ABCA8: variants seen among roughly 807,000 people sequenced by gnomAD.
ABCA8 encodes the protein ABC-type organic anion transporter ABCA8.
A neutral mutation model predicts 192.3 loss-of-function variants in ABCA8; 177 were observed. That is an observed-to-expected ratio of 0.92 (90% CI 0.81 to 1.04). The LOEUF is 1.04. Among genes scored for constraint, ABCA8 ranks in the 50% least tolerant of loss-of-function variants. The probability of loss-of-function intolerance (pLI) is 0.00; values close to 1 mark genes in which losing one functional copy is unlikely to be tolerated. For synonymous variants in ABCA8, 642 were observed against 690.2 expected, an observed-to-expected ratio of 0.93 and a Z score of 1.09; for missense variants, 1,915 against 1,904.8, an observed-to-expected ratio of 1.01 and a Z score of -0.10.
Position 68,887,925 on chromosome 17 carries a change from T to TGGA in ABCA8, c.3145-420_3145-419insTCC. ...ATATATATCCATATATATATATATA[T>TGGA]TATATATGGATATATATATTATATA... is the stretch of plus-strand genomic sequence containing the variant. On this transcript the variant is annotated intron_variant, in intron 24 of 39. Transcript: ENST00000586539. Among the ~76,000 whole-genome samples, 803 of 101,006 alleles carry TGGA rather than the reference T, an allele frequency of 8.0e-3. 45 individuals are homozygous for TGGA. Among genetic ancestry groups the TGGA allele is most frequent in the African/African-American group, 0.031 (765 of 24,788 alleles). 66.3% of individuals were successfully genotyped at this position (101,006 alleles called of 152,430 possible).
At chr17:68,918,659 C>T (rs1248111144) in intron 14 of ABCA8, 113 bp from the exon 15 acceptor site, 3 of 1,103,822 alleles carry the variant, frequency 2.7e-6, no homozygotes, top group African/African-American at 1.6e-5. Context: ...CTGGGTCAGG[C>T]GCGGTGGCTC....
intron 1 of ABCA8, among the ~76,000 whole-genome samples, chr17:68,954,168 C>T (rs562757854): frequency 1.4e-5 from 2 of 147,884 alleles, no homozygotes; most frequent in South Asian, 2.3e-4. Flanking sequence ...GTATATCTCC[C>T]AATGCTATCC....
intron 38 of ABCA8, 40 bp from the exon 39 acceptor site, chr17:68,868,396 ATC>A (rs776103228): frequency 3.9e-6 from 6 of 1,539,328 alleles, no homozygotes; most frequent in Non-Finnish European, 4.5e-6. Context: ...TATATTTCAT[ATC>A]TAGAGGTCTC....
intron 28 of ABCA8, 42 bp downstream of exon 28, chr17:68,884,289 T>C (rs1471731859): frequency 1.3e-6 from 2 of 1,497,984 alleles, no homozygotes; most frequent in Non-Finnish European, 1.8e-6. Context: ...ATTATTAAAT[T>C]TAGTAAAAAG....
At chr17:68,908,907 A>T (rs922950677) in intron 17 of ABCA8, among the ~76,000 whole-genome samples, 1 of 152,238 alleles carries the variant, frequency 6.6e-6, no homozygotes, top group African/African-American at 2.4e-5. Flanking sequence ...TGAAGTTTGC[A>T]CTTGACAAGC....
At chr17:68,888,781 G>A (rs556309830) in intron 24 of ABCA8, among the ~76,000 whole-genome samples, 18 of 152,154 alleles carry the variant, frequency 1.2e-4, no homozygotes, top group Non-Finnish European at 2.6e-4. Flanking sequence ...AGAGATCTGG[G>A]GTAGAGTCAG....
chr17:68,933,354 C>G (rs971114903), intron 5 of ABCA8, 83 bp from the exon 6 acceptor site: 2 of 867,018 alleles, frequency 2.3e-6, no homozygotes, highest in Non-Finnish European at 3.6e-6. Flanking sequence ...TTATAGCAAA[C>G]AGTGGACTTT....
Position 68,937,092 on chromosome 17 carries a change from C to G in ABCA8, c.325G>C (p.Asp109His). The G allele has an allele frequency of 1.2e-6, 2 of 1,608,008 alleles. No homozygotes were observed. The highest frequency in any genetic ancestry group is 1.7e-6 in the Non-Finnish European group (2 of 1,177,756). Residue 109 changes from aspartate (D) to histidine (H), a missense_variant, in exon 5 of 40, where the codon GAT (aspartate) becomes CAT (histidine). Coordinates refer to ENST00000586539, the MANE Select transcript of ABCA8 (RefSeq NM_001288985.2). ...LAGKEVLGLP[D>H]EESIKEFTAN... ...GTGAATTCTTTAATACTTTCCTCAT[C>G]TGGCAGTCCCAAGACCTCTTTACCT... is the stretch of plus-strand genomic sequence containing the variant.
At chr17:68,943,850 T>C (rs1834296841) in intron 2 of ABCA8, among the ~76,000 whole-genome samples, 1 of 151,984 alleles carries the variant, frequency 6.6e-6, no homozygotes, top group African/African-American at 2.4e-5. Flanking sequence ...TTTTACAGGC[T>C]TCACCTAGTA....
rs1598256031 is a variant in ABCA8, at chr17:68,917,582, G to A, written c.2048-131C>T. The A allele has an allele frequency of 2.2e-5, 13 of 596,132 alleles. No homozygotes were observed. The East Asian group carries it at 3.5e-4, about 16-fold the overall frequency. 36.9% of individuals were successfully genotyped at this position (596,132 alleles called of 1,614,324 possible). A position where few individuals can be genotyped will look rare whatever the true frequency, so the allele number is the denominator to read the frequency against. On this transcript the variant is annotated intron_variant, in intron 16 of 39. Coordinates refer to ENST00000586539, the MANE Select transcript of ABCA8 (RefSeq NM_001288985.2). ...TTCTAAGGTTTTAAATGCAGGACTCGATAAGGACTCAATGAAATAGACACA... is the reference window on the plus strand; with the variant it reads ...TTCTAAGGTTTTAAATGCAGGACTCAATAAGGACTCAATGAAATAGACACA...
Position 68,895,009 on chromosome 17 carries a change from T to C in ABCA8, c.2769A>G (p.Ala923=). 1 of 1,607,550 alleles carries C rather than the reference T, an allele frequency of 6.2e-7. No homozygotes were observed. The highest frequency in any genetic ancestry group is 1.1e-5 in the South Asian group (1 of 89,158). The change falls in exon 22 of 40, where the codon GCA becomes GCG. Residue 923 remains alanine, a synonymous_variant. Transcript: ENST00000586539. The stretch of plus-strand genomic sequence containing the variant: ...CAGACTGTATAAAGTCATCAATGCT[T>C]GCCCCTAAGGTGTAGTTAAAGATAT... ...TQLLIINKTG[A]SIDDFIQSVE... is the part of the protein sequence containing the mutation.
intron 21 of ABCA8, among the ~76,000 whole-genome samples, chr17:68,897,705 A>G (rs528127209): frequency 6.6e-6 from 1 of 152,196 alleles, no homozygotes. Flanking sequence ...TTGAAAGTAC[A>G]ATAATTGAAA....
rs35945593 is a variant in ABCA8, at chr17:68,918,958, A to G, written c.1788+343T>C. Among the ~76,000 whole-genome samples, 8 of 150,752 alleles carry G rather than the reference A, an allele frequency of 5.3e-5. No individual in the cohort carries two copies. In the East Asian group the frequency reaches 1.4e-3, roughly 26 times the overall value. On this transcript the variant is annotated intron_variant, in intron 14 of 39. Transcript: ENST00000586539. ...AAAAAAAAAAAAAAAAAAAAAAAGA[A>G]CAAACACTGGAGCCAAACTTTCCGG... is the stretch of plus-strand genomic sequence containing the variant.
At chr17:68,910,586 C>T (rs2067207859) in intron 17 of ABCA8, among the ~76,000 whole-genome samples, 2 of 152,178 alleles carry the variant, frequency 1.3e-5, no homozygotes, top group African/African-American at 2.4e-5. Context: ...TGCAAAAGAC[C>T]TCGAGAGACA....
chr17:68,881,800 A>C, intron 31 of ABCA8, 63 bp downstream of exon 31: 2 of 1,199,474 alleles, frequency 1.7e-6, no homozygotes, highest in South Asian at 2.6e-5. Context: ...AATAATGCTC[A>C]TTAGGAACCA....
chr17:68,896,401 G>A (rs2066759298), intron 21 of ABCA8, among the ~76,000 whole-genome samples: 1 of 152,172 alleles, frequency 6.6e-6, no homozygotes, highest in Non-Finnish European at 1.5e-5. Context: ...TTCACTTTCT[G>A]CAGTTTTAGT....
In ABCA8 at chr17:68,894,165, A is replaced by G; in HGVS notation, c.3036+8T>C. ...AGAGTCAGGAATTGTAAGATTATAT[A>G]TATTTACCTCCAAAAATGTACTTCT... On this transcript the variant is annotated splice_region_variant and intron_variant, in intron 23 of 39. Transcript: ENST00000586539. 1.9e-6 allele frequency: 3 copies of G among 1,612,592 alleles called. No individual in the cohort carries two copies. Among genetic ancestry groups the G allele is most frequent in the Non-Finnish European group, 2.5e-6 (3 of 1,179,198 alleles).
At chr17:68,910,866 A>G (rs529048778) in intron 17 of ABCA8, among the ~76,000 whole-genome samples, 1 of 152,230 alleles carries the variant, frequency 6.6e-6, no homozygotes, top group South Asian at 2.1e-4. Flanking sequence ...TTGAAGAAAA[A>G]GACCCAGTTC....
In ABCA8 at chr17:68,915,746, C is replaced by T. The variant is rs374200632; in HGVS notation, c.2138+1615G>A. Among the ~76,000 whole-genome samples the T allele has an allele frequency of 1.2e-3, 186 of 152,222 alleles. 1 individual carries two copies. The highest frequency in any genetic ancestry group is 4.3e-3 in the African/African-American group (177 of 41,536). On this transcript the variant is annotated intron_variant, in intron 17 of 39. Coordinates refer to ENST00000586539, the MANE Select transcript of ABCA8 (RefSeq NM_001288985.2). ...CCACAAAAATCTAAAAATAGAGCTA[C>T]CATATGATCCAGCAATCCCACTACT...
Sources: allele counts gnomAD v4.1 joint callset (sites outside exome capture counted in the v4.1 genomes callset), GRCh38; gene constraint gnomAD v4.1.1; transcripts MANE v1.5; gene names NCBI Gene and HGNC (gene_info 2026-07-23, HGNC 2026-07-21).